ARHGEF10L: variants seen among roughly 807,000 people sequenced by gnomAD.
ARHGEF10L encodes Rho guanine nucleotide exchange factor 10 like.
In ARHGEF10L, 69 loss-of-function variants were observed where a neutral mutation model predicts 141.2. The observed-to-expected ratio is 0.49, with a 90% CI of 0.40 to 0.60. The LOEUF (loss-of-function observed/expected upper bound fraction) is 0.60, where lower values mean the gene tolerates loss of function less well. ARHGEF10L is among the 20% of genes least tolerant of loss of function. ARHGEF10L has a pLI of 0.00. For missense variants in ARHGEF10L, 1,482 were observed against 1,734.3 expected (o/e 0.85, Z 2.58); for synonymous variants, 711 against 718.5 (o/e 0.99, Z 0.17).
chr1:17,579,992 C>T (rs989196891), intron 1 of ARHGEF10L, among the ~76,000 whole-genome samples: 34 of 152,234 alleles, frequency 2.2e-4, no homozygotes, highest in Admixed American at 2.2e-3. Flanking sequence ...CCATTGCTTT[C>T]CTCACACCCA....
chr1:17,634,732 C>A, intron 17 of ARHGEF10L, 103 bp from the exon 18 acceptor site: 1 of 1,459,014 alleles, frequency 6.9e-7, no homozygotes, highest in Non-Finnish European at 9.2e-7. Flanking sequence ...GCTGGGGCTG[C>A]GTGAAGCCTG....
intron 1 of ARHGEF10L, among the ~76,000 whole-genome samples, chr1:17,547,232 T>C (rs76914248): frequency 0.032 from 4,890 of 152,324 alleles, 101 homozygotes; most frequent in Middle Eastern, 0.065. Flanking sequence ...CCCACTGGCC[T>C]GTTGGTTGAG....
Position 17,627,016 on chromosome 1 carries a change from G to A in ARHGEF10L, c.1411-314G>A, listed in dbSNP as rs192370631. On this transcript the variant is annotated intron_variant, in intron 14 of 28. Transcript: ENST00000361221. This position sits in a 1 kb window ranked among gnomAD's most constrained non-coding sequence, Gnocchi z 4.0. The stretch of plus-strand genomic sequence containing the variant: ...TTTGTTTACGCGTTAGTCTGTCGAC[G>A]GACATTTTTGCCTCCACATTTTGGC... Among the ~76,000 whole-genome samples, 120 of 152,352 alleles carry A rather than the reference G, an allele frequency of 7.9e-4. 2 individuals are homozygous for A. In the East Asian group the frequency reaches 0.014, roughly 18 times the overall value.
intron 25 of ARHGEF10L, among the ~76,000 whole-genome samples, chr1:17,661,706 CTAAT>C (rs2062635816): frequency 1.3e-5 from 2 of 152,322 alleles, no homozygotes; most frequent in East Asian, 1.9e-4. Flanking sequence ...CCATAGCAGC[CTAAT>C]TAGACTCCAG....
intron 14 of ARHGEF10L, among the ~76,000 whole-genome samples, chr1:17,626,331 G>C (rs753545034): frequency 6.6e-6 from 1 of 152,164 alleles, no homozygotes; most frequent in Admixed American, 6.5e-5. Context: ...CCCGGGACCC[G>C]CAGGGCTCCT....
intron 4 of ARHGEF10L, among the ~76,000 whole-genome samples, chr1:17,594,109 C>A (rs1017109900): frequency 1.3e-5 from 2 of 151,632 alleles, no homozygotes; most frequent in Non-Finnish European, 2.9e-5. Context: ...TTTTATGTGC[C>A]TGTGTGTGTG....
At chr1:17,662,256 G>A (rs921721410) in intron 25 of ARHGEF10L, among the ~76,000 whole-genome samples, 2 of 152,164 alleles carry the variant, frequency 1.3e-5, no homozygotes, top group Middle Eastern at 3.2e-3. Context: ...CCTGGTGTGC[G>A]GACACAGAAC....
intron 21 of ARHGEF10L, among the ~76,000 whole-genome samples, chr1:17,647,120 C>T (rs7339986): frequency 0.027 from 4,091 of 152,190 alleles, 175 homozygotes; most frequent in African/African-American, 0.089. Flanking sequence ...CTAGCATCAC[C>T]GTGCCCACAG....
At chr1:17,642,798 C>A (rs1353514153) in intron 21 of ARHGEF10L, among the ~76,000 whole-genome samples, 1 of 152,240 alleles carries the variant, frequency 6.6e-6, no homozygotes, top group African/African-American at 2.4e-5. Flanking sequence ...GGCTTCCCTG[C>A]CCCTTGGGCC....
chr1:17,665,073 G>T (rs1160561077), intron 26 of ARHGEF10L, among the ~76,000 whole-genome samples: 1 of 152,152 alleles, frequency 6.6e-6, no homozygotes, highest in East Asian at 1.9e-4. Context: ...TGGTCTGGGG[G>T]GCTCATCCCT....
At chr1:17,605,654 TG>T (rs1333199372) in intron 6 of ARHGEF10L, among the ~76,000 whole-genome samples, 1 of 151,890 alleles carries the variant, frequency 6.6e-6, no homozygotes, top group Non-Finnish European at 1.5e-5. Flanking sequence ...ATAGGAGGAG[TG>T]ATCATTCACA....
In ARHGEF10L at chr1:17,656,464, C is replaced by T; in HGVS notation, c.2706-90C>T. ...GGCGTGGCTGAGAGGGGTCAGCTCC[C>T]TGGGGCCCTCTCCCTAGGAGGGCAT... On this transcript the variant is annotated intron_variant, in intron 24 of 28. Transcript: ENST00000361221. This position sits in a 1 kb window ranked among gnomAD's most constrained non-coding sequence, Gnocchi z 4.9. 1 of 1,489,770 alleles carries T rather than the reference C, an allele frequency of 6.7e-7. No individual in the cohort carries two copies. The highest frequency in any genetic ancestry group is 9.1e-7 in the Non-Finnish European group (1 of 1,097,502). 92.3% of individuals were successfully genotyped at this position (1,489,770 alleles called of 1,614,324 possible). A position where few individuals can be genotyped will look rare whatever the true frequency, so the allele number is the denominator to read the frequency against.
At chr1:17,630,948 A>G (rs1421908019) in intron 15 of ARHGEF10L, among the ~76,000 whole-genome samples, 3 of 148,168 alleles carry the variant, frequency 2.0e-5, no homozygotes, top group African/African-American at 7.6e-5. Context: ...GGGGAGGCTC[A>G]GGGTGTTCTG....
At position 17,571,933 on chromosome 1, in the gene ARHGEF10L, G is replaced by A. The variant is rs571576531; in HGVS notation, c.-43-8620G>A. 2.0e-5 allele frequency among the ~76,000 whole-genome samples: 3 copies of A among 152,326 alleles called. No individual in the cohort carries two copies. In the East Asian group the frequency reaches 5.8e-4, roughly 29 times the overall value. On this transcript the variant is annotated intron_variant, in intron 1 of 28. Transcript: ENST00000361221. The stretch of plus-strand genomic sequence containing the variant: ...AAAGACGTCCTTGTACCATGCAAAA[G>A]ACTCCTCCCTTCCCTCCTTACCCCA...
At chr1:17,645,199 CTT>C (rs1445673337) in intron 21 of ARHGEF10L, among the ~76,000 whole-genome samples, 5 of 152,162 alleles carry the variant, frequency 3.3e-5, no homozygotes. Flanking sequence ...CTTAATGTCA[CTT>C]ATCCCAAGCG....
chr1:17,576,107 A>G (rs971360092), intron 1 of ARHGEF10L, among the ~76,000 whole-genome samples: 3 of 151,164 alleles, frequency 2.0e-5, no homozygotes, highest in East Asian at 2.0e-4. Flanking sequence ...AGGGCCCCCA[A>G]GTGTTTTCTT....
Position 17,637,901 on chromosome 1 carries a change from C to G in ARHGEF10L, c.1941C>G (p.Leu647=). 6.3e-7 allele frequency: 1 copy of G among 1,590,038 alleles called. No individual in the cohort carries two copies. Among genetic ancestry groups the G allele is most frequent in the Non-Finnish European group, 8.6e-7 (1 of 1,167,964 alleles). ...ASGQAQNKVY[L]GPPRLFQELQ... is the part of the protein sequence containing the mutation. ...TTCTCTGCCCAGATAAGGTGTACCT[C>G]GGCCCCCCACGCCTCTTCCAGGAGC... The change falls in exon 19 of 29, where the codon CTC becomes CTG. Residue 647 remains leucine (L), a synonymous_variant. Transcript: ENST00000361221.
intron 4 of ARHGEF10L, 111 bp downstream of exon 4, chr1:17,588,590 A>C (rs2079233305): frequency 7.3e-7 from 1 of 1,377,558 alleles, no homozygotes; most frequent in African/African-American, 1.4e-5. Flanking sequence ...TCTTTGGCTA[A>C]GGAGGAAAGC....
At chr1:17,640,972 A>G (rs901186208) in intron 21 of ARHGEF10L, among the ~76,000 whole-genome samples, 3 of 152,012 alleles carry the variant, frequency 2.0e-5, no homozygotes, top group African/African-American at 4.8e-5. Context: ...CTCTTTTTCC[A>G]TTGAGGATTC....
Sources: gnomAD v4.1 joint callset for allele counts (sites outside exome capture counted in the v4.1 genomes callset) on GRCh38, gnomAD v4.1.1 for gene constraint, Gnocchi (gnomAD v3.1) non-coding constraint, MANE v1.5 for transcripts, NCBI Gene and HGNC (gene_info 2026-07-23, HGNC 2026-07-21) for gene names.